The following ANXA10 variants were observed in gnomAD, a reference collection of about 807,000 sequenced individuals.
The protein encoded by ANXA10 is annexin A10.
Under a neutral mutation model 53.5 loss-of-function variants are expected in ANXA10, and 49 were observed. The observed-to-expected ratio is 0.92, with a 90% CI of 0.73 to 1.16. The LOEUF is 1.16. ANXA10 is among the 50% of genes most tolerant of loss of function. The pLI is 0.00. For missense variants in ANXA10, 393 were observed against 394.4 expected (o/e 1.00, Z 0.03); for synonymous variants, 131 against 128.9 (o/e 1.02, Z -0.11).
chr4:168,102,550 C>A (rs1175583011), intron 1 of ANXA10, among the ~76,000 whole-genome samples: 1 of 152,066 alleles, frequency 6.6e-6, no homozygotes, highest in East Asian at 1.9e-4. Context: ...ACATTTAACC[C>A]TAATTCATAT....
At chr4:168,151,591 T>C (rs1731498254) in intron 3 of ANXA10, among the ~76,000 whole-genome samples, 1 of 152,198 alleles carries the variant, frequency 6.6e-6, no homozygotes, top group African/African-American at 2.4e-5. Flanking sequence ...GCAGTCCAGC[T>C]GGGGAAAGTC....
chr4:168,156,261 T>TA (rs1491221878), intron 3 of ANXA10, among the ~76,000 whole-genome samples: 1 of 36,702 alleles, frequency 2.7e-5, no homozygotes, highest in Non-Finnish European at 4.8e-5. Context: ...TTATATATAA[T>TA]GTATATATTA....
In ANXA10 at chr4:168,128,132, G is replaced by A; in HGVS notation, c.67G>A (p.Ala23Thr). 1.2e-6 allele frequency: 2 copies of A among 1,613,524 alleles called. No homozygotes were observed. The highest frequency in any genetic ancestry group is 1.7e-6 in the Non-Finnish European group (2 of 1,179,710). The stretch of plus-strand genomic sequence containing the variant: ...TCCCAATTTCAATCCCATAATGGAT[G>A]CCCAAATGCTAGGAGGAGCACTCCA... ...PAPNFNPIMD[A>T]QMLGGALQGF... Residue 23 changes from alanine to threonine, a missense_variant, in exon 2 of 12, where the codon GCC (alanine) becomes ACC (threonine). Coordinates refer to ENST00000359299, the MANE Select transcript of ANXA10 (RefSeq NM_007193.5).
chr4:168,182,798 C>T (rs1362655448), intron 10 of ANXA10, among the ~76,000 whole-genome samples: 2 of 149,534 alleles, frequency 1.3e-5, no homozygotes, highest in Non-Finnish European at 3.0e-5. Flanking sequence ...ATCACGAGGT[C>T]AGGAGATCTA....
At chr4:168,153,422 C>CAAAAAAAAA (rs61179704) in intron 3 of ANXA10, among the ~76,000 whole-genome samples, 19 of 43,498 alleles carry the variant, frequency 4.4e-4, no homozygotes, top group South Asian at 1.4e-3. Flanking sequence ...AAGCCTAAAG[C>CAAAAAAAAA]AAAAAAAAAA....
intron 11 of ANXA10, among the ~76,000 whole-genome samples, chr4:168,185,970 ATCTTTGATAAAAC>A (rs1186224660): frequency 1.3e-5 from 2 of 152,224 alleles, no homozygotes; most frequent in African/African-American, 4.8e-5. Context: ...TTATTCCTTC[ATCTTTGATAAAAC>A]TCTCCTACAG....
At chr4:168,135,247 T>C (rs1731218094) in intron 2 of ANXA10, among the ~76,000 whole-genome samples, 1 of 152,186 alleles carries the variant, frequency 6.6e-6, no homozygotes, top group African/African-American at 2.4e-5. Flanking sequence ...TGATTGCTAA[T>C]TGGCACTTAA....
At chr4:168,111,687 G>A (rs955587572) in intron 1 of ANXA10, among the ~76,000 whole-genome samples, 1 of 152,126 alleles carries the variant, frequency 6.6e-6, no homozygotes, top group African/African-American at 2.4e-5. Context: ...ATATGGAGGT[G>A]CTATTTAAAC....
intron 11 of ANXA10, among the ~76,000 whole-genome samples, chr4:168,186,083 TTA>T (rs1732363967): frequency 6.6e-6 from 1 of 152,248 alleles, no homozygotes; most frequent in Non-Finnish European, 1.5e-5. Flanking sequence ...TAGGCACTTA[TTA>T]TAATTAATCA....
At chr4:168,178,583 GTC>G (rs1251733729) in intron 8 of ANXA10, among the ~76,000 whole-genome samples, 1 of 151,868 alleles carries the variant, frequency 6.6e-6, no homozygotes, top group Non-Finnish European at 1.5e-5. Flanking sequence ...GACATTACCT[GTC>G]TTAATGATAA....
intron 5 of ANXA10, among the ~76,000 whole-genome samples, chr4:168,164,614 A>G (rs1029692309): frequency 1.3e-5 from 2 of 152,188 alleles, no homozygotes; most frequent in Non-Finnish European, 2.9e-5. Flanking sequence ...GACCCAGCAT[A>G]TAGAAAAAAT....
chr4:168,131,323 A>G (rs1022534508), intron 2 of ANXA10, among the ~76,000 whole-genome samples: 1 of 151,980 alleles, frequency 6.6e-6, no homozygotes, highest in Admixed American at 6.6e-5. Flanking sequence ...ATTTCATTGC[A>G]GCCTCAGAGC....
rs1022727336 is a variant in ANXA10, at chr4:168,164,733, G to A, written c.400+445G>A. The stretch of plus-strand genomic sequence containing the variant: ...AATCAGATTTTTATACATTTCAAAA[G>A]TAGAAAGGGTAACTATTTTCACTTT... On this transcript the variant is annotated intron_variant, in intron 5 of 11. Coordinates refer to ENST00000359299, the MANE Select transcript of ANXA10 (RefSeq NM_007193.5). Among the ~76,000 whole-genome samples, 5 of 152,300 alleles carry A rather than the reference G, an allele frequency of 3.3e-5. No individual in the cohort carries two copies. The South Asian group carries it at 1.0e-3, about 32-fold the overall frequency.
chr4:168,106,699 T>C (rs1441399730), intron 1 of ANXA10, among the ~76,000 whole-genome samples: 1 of 152,166 alleles, frequency 6.6e-6, no homozygotes, highest in African/African-American at 2.4e-5. Context: ...TTTAGTGAGA[T>C]ATCTATGTCT....
At chr4:168,112,294 T>C (rs959434412) in intron 1 of ANXA10, among the ~76,000 whole-genome samples, 8 of 152,100 alleles carry the variant, frequency 5.3e-5, no homozygotes, top group Middle Eastern at 3.4e-3. Flanking sequence ...CAAGACTCTG[T>C]CTGGGGTGGC....
intron 3 of ANXA10, among the ~76,000 whole-genome samples, chr4:168,143,075 A>G (rs1286841914): frequency 6.6e-6 from 1 of 151,362 alleles, no homozygotes; most frequent in East Asian, 1.9e-4. Context: ...TCCTTTCATT[A>G]TCCACTCTGT....
At chr4:168,175,284 T>C (rs1286004381) in intron 6 of ANXA10, among the ~76,000 whole-genome samples, 1 of 152,208 alleles carries the variant, frequency 6.6e-6, no homozygotes, top group African/African-American at 2.4e-5. Flanking sequence ...CACAAATGTA[T>C]GTTATTAAAT....
chr4:168,165,340 A>C lies in ANXA10; in HGVS notation c.480+14A>C. The C allele has an allele frequency of 6.7e-7, 1 of 1,484,260 alleles. No homozygotes were observed. Among genetic ancestry groups the C allele is most frequent in the Non-Finnish European group, 9.2e-7 (1 of 1,087,176 alleles). 91.9% of individuals were successfully genotyped at this position (1,484,260 alleles called of 1,614,324 possible). On this transcript the variant is annotated intron_variant, in intron 6 of 11. Transcript: ENST00000359299. Reference sequence around the variant, plus strand: ...AACTTGGTCCAGGTATGGCATTCCAAAATTTACATTACTTTGCACTATCTA... The same window carrying C: ...AACTTGGTCCAGGTATGGCATTCCACAATTTACATTACTTTGCACTATCTA...
intron 3 of ANXA10, among the ~76,000 whole-genome samples, chr4:168,144,819 A>T (rs553756503): frequency 1.3e-5 from 2 of 152,258 alleles, no homozygotes; most frequent in East Asian, 3.9e-4. Context: ...CAACTAGGAC[A>T]CCCTGAGGTT....
Sources: allele counts gnomAD v4.1 joint callset (sites outside exome capture counted in the v4.1 genomes callset), GRCh38; gene constraint gnomAD v4.1.1; transcripts MANE v1.5; gene names NCBI Gene and HGNC (gene_info 2026-07-23, HGNC 2026-07-21).